The following FHIT variants were observed in gnomAD, a reference collection of about 807,000 sequenced individuals.
FHIT encodes the protein bis(5'-adenosyl)-triphosphatase.
FHIT carries 19 observed loss-of-function variants against 17.9 expected under a neutral mutation model. The observed-to-expected ratio is 1.06, with a 90% confidence interval of 0.74 to 1.56. The LOEUF (loss-of-function observed/expected upper bound fraction) is 1.56. Among genes scored for constraint, FHIT ranks in the 40% most tolerant of loss-of-function variants. FHIT has a pLI of 0.00. For missense variants in FHIT, 248 were observed against 189.2 expected (o/e 1.31, Z -1.82); for synonymous variants, 81 against 69.7 (o/e 1.16, Z -0.81).
In FHIT at chr3:60,698,485, C is replaced by G. The variant is rs2041165310; in HGVS notation, c.-18+123434G>C. On this transcript the variant is annotated intron_variant, in intron 4 of 9. Coordinates refer to ENST00000492590, the MANE Select transcript of FHIT (RefSeq NM_002012.4). ...CTGGAGAAAAATTGCAAACCTCACC[C>G]CCAAACAAACCGCATAAAGTAAATG... is the stretch of plus-strand genomic sequence containing the variant. Among the ~76,000 whole-genome samples the G allele has an allele frequency of 4.6e-5, 7 of 152,194 alleles. No homozygotes were observed. In the South Asian group the frequency reaches 1.5e-3, roughly 32 times the overall value.
intron 5 of FHIT, among the ~76,000 whole-genome samples, chr3:60,243,267 A>G (rs551707616): frequency 2.0e-4 from 31 of 152,230 alleles, no homozygotes; most frequent in African/African-American, 7.0e-4. Context: ...AATGAATGCT[A>G]TGTTGTCATT....
At chr3:60,525,761 G>A (rs2035549139) in intron 5 of FHIT, among the ~76,000 whole-genome samples, 1 of 152,150 alleles carries the variant, frequency 6.6e-6, no homozygotes, top group Non-Finnish European at 1.5e-5. Flanking sequence ...GTGAGGCTAA[G>A]CTATGCTAGC....
intron 5 of FHIT, among the ~76,000 whole-genome samples, chr3:60,535,490 G>A (rs943855417): frequency 6.6e-6 from 1 of 151,904 alleles, no homozygotes; most frequent in African/African-American, 2.4e-5. Flanking sequence ...AAAATAAAAT[G>A]TTACTTCAAG....
intron 2 of FHIT, among the ~76,000 whole-genome samples, chr3:61,140,693 T>C (rs910543384): frequency 1.3e-5 from 2 of 152,116 alleles, no homozygotes; most frequent in Admixed American, 6.6e-5. Flanking sequence ...TAGAAGAACG[T>C]CCTACCTTCC....
At chr3:60,594,168 G>A (rs2038183293) in intron 4 of FHIT, among the ~76,000 whole-genome samples, 1 of 152,110 alleles carries the variant, frequency 6.6e-6, no homozygotes, top group Non-Finnish European at 1.5e-5. Flanking sequence ...ATGTGTGAAA[G>A]TCTGTGGAAA....
intron 8 of FHIT, among the ~76,000 whole-genome samples, chr3:59,896,009 T>C (rs1486163647): frequency 1.3e-5 from 2 of 152,214 alleles, no homozygotes; most frequent in Non-Finnish European, 2.9e-5. Flanking sequence ...AGGAAGTGGT[T>C]TAAAGTCAAC....
intron 5 of FHIT, among the ~76,000 whole-genome samples, chr3:60,169,155 T>C (rs1030128319): frequency 2.0e-5 from 3 of 152,184 alleles, no homozygotes; most frequent in Non-Finnish European, 4.4e-5. Context: ...GCCAAAATAA[T>C]GAAAGAACGT....
chr3:59,838,166 G>A (rs767514910), intron 8 of FHIT, among the ~76,000 whole-genome samples: 7 of 151,858 alleles, frequency 4.6e-5, no homozygotes, highest in African/African-American at 1.7e-4. Flanking sequence ...GGCCTTCCTC[G>A]CTCCAGGCTG....
At chr3:60,569,972 C>T (rs759854831) in intron 4 of FHIT, among the ~76,000 whole-genome samples, 1 of 151,766 alleles carries the variant, frequency 6.6e-6, no homozygotes, top group African/African-American at 2.4e-5. Flanking sequence ...TCTATTTACC[C>T]AGTGGTACAA....
At chr3:60,076,066 C>A (rs781532771) in intron 5 of FHIT, among the ~76,000 whole-genome samples, 1 of 151,988 alleles carries the variant, frequency 6.6e-6, no homozygotes, top group African/African-American at 2.4e-5. Flanking sequence ...GCCAGAGGAG[C>A]CTCAATAATC....
At chr3:60,323,442 T>C (rs1023676821) in intron 5 of FHIT, among the ~76,000 whole-genome samples, 1 of 152,164 alleles carries the variant, frequency 6.6e-6, no homozygotes, top group East Asian at 1.9e-4. Flanking sequence ...GAGATCTCAG[T>C]GAGCCAGTGT....
At chr3:60,422,969 C>T (rs1297245108) in intron 5 of FHIT, among the ~76,000 whole-genome samples, 2 of 152,098 alleles carry the variant, frequency 1.3e-5, no homozygotes, top group Non-Finnish European at 2.9e-5. Flanking sequence ...AGATACTCTA[C>T]CTACACTTGT....
chr3:60,917,837 C>T (rs1553767406), intron 3 of FHIT, among the ~76,000 whole-genome samples: 1 of 152,078 alleles, frequency 6.6e-6, no homozygotes, highest in East Asian at 1.9e-4. Flanking sequence ...TCTGTATATC[C>T]CCTACTAGAA....
At chr3:60,229,154 TG>T (rs1666572390) in intron 5 of FHIT, among the ~76,000 whole-genome samples, 1 of 152,238 alleles carries the variant, frequency 6.6e-6, no homozygotes, top group South Asian at 2.1e-4. Flanking sequence ...CAGTGGCTCA[TG>T]CCTGTAATCG....
chr3:60,487,082 C>A (rs2362892), intron 5 of FHIT, among the ~76,000 whole-genome samples: 14,616 of 152,186 alleles, frequency 0.096, 1,115 homozygotes, highest in East Asian at 0.39. Flanking sequence ...TGGCTGATCT[C>A]TTTGGGTTTG....
At chr3:59,782,090 T>C (rs1282734815) in intron 8 of FHIT, among the ~76,000 whole-genome samples, 2 of 152,212 alleles carry the variant, frequency 1.3e-5, no homozygotes, top group Non-Finnish European at 2.9e-5. Context: ...ACCTTTGAAG[T>C]TGACTTGTTA....
chr3:61,173,343 C>T lies in FHIT; in HGVS notation c.-164+27274G>A, dbSNP rs80120037. Among the ~76,000 whole-genome samples the T allele has an allele frequency of 1.1e-4, 17 of 152,274 alleles. No homozygotes were observed. In the East Asian group the frequency reaches 3.1e-3, roughly 28 times the overall value. On this transcript the variant is annotated intron_variant, in intron 2 of 9. Coordinates refer to ENST00000492590, the MANE Select transcript of FHIT (RefSeq NM_002012.4). ...GAGATTCGACAATTTACTAATCTAT[C>T]ACTCCAAAATGTGCTGTATAATTTA...
intron 5 of FHIT, among the ~76,000 whole-genome samples, chr3:60,370,762 C>T (rs1043816324): frequency 2.0e-5 from 3 of 152,196 alleles, no homozygotes; most frequent in African/African-American, 7.2e-5. Flanking sequence ...TCACTCTATT[C>T]CCACAGCCTT....
chr3:60,366,985 G>C (rs1324680220), intron 5 of FHIT, among the ~76,000 whole-genome samples: 1 of 152,176 alleles, frequency 6.6e-6, no homozygotes, highest in Admixed American at 6.5e-5. Context: ...TTCAACTTGA[G>C]ATTCTACTTT....
Sources: gnomAD v4.1 joint callset for allele counts (sites outside exome capture counted in the v4.1 genomes callset) on GRCh38, gnomAD v4.1.1 for gene constraint, MANE v1.5 for transcripts, NCBI Gene and HGNC (gene_info 2026-07-23, HGNC 2026-07-21) for gene names.